KCTD10: variants seen among roughly 807,000 people sequenced by gnomAD.
KCTD10 encodes the protein potassium channel tetramerization domain containing 10, also known as BTB/POZ domain-containing adapter for CUL3-mediated RhoA degradation protein 3.
In KCTD10, 13 loss-of-function variants were observed where a neutral mutation model predicts 34.6. That is an observed-to-expected ratio of 0.38 (90% CI 0.24 to 0.60). The LOEUF (loss-of-function observed/expected upper bound fraction) is 0.60, where lower values mean the gene tolerates loss of function less well. Among genes scored for constraint, KCTD10 ranks in the 20% least tolerant of loss-of-function variants. KCTD10 has a pLI of 0.66. For missense variants in KCTD10, 256 were observed against 420.3 expected, an observed-to-expected ratio of 0.61 and a Z score of 3.42; for synonymous variants, 156 against 168.8, an observed-to-expected ratio of 0.92 and a Z score of 0.59.
chr12:109,460,905 G>C lies in KCTD10; in HGVS notation c.218-100C>G. 8.2e-7 allele frequency: 1 copy of C among 1,222,084 alleles called. No homozygotes were observed. The highest frequency in any genetic ancestry group is 1.2e-6 in the Non-Finnish European group (1 of 867,748). The allele number at this position is 1,222,084 out of a possible 1,614,324, so 75.7% of individuals were successfully genotyped here. A position where few individuals can be genotyped will look rare whatever the true frequency, so the allele number is the denominator to read the frequency against. On this transcript the variant is annotated intron_variant, in intron 2 of 6. Transcript: ENST00000228495. The surrounding 1 kb of genome is among the most constrained non-coding windows in gnomAD (Gnocchi z 4.5). ...CTCTCGGCTCCCTCTACCTCCCAGCGGAGAGCGGGACTGCCTGGAGAATGG... is the reference window on the plus strand; with the variant it reads ...CTCTCGGCTCCCTCTACCTCCCAGCCGAGAGCGGGACTGCCTGGAGAATGG...
In KCTD10 at chr12:109,460,498, G is replaced by A. The variant is rs559731402; in HGVS notation, c.387+138C>T. The A allele has an allele frequency of 2.2e-6, 2 of 914,144 alleles. No homozygotes were observed. Among genetic ancestry groups the A allele is most frequent in the South Asian group, 3.4e-5 (2 of 59,044 alleles). 56.6% of individuals were successfully genotyped at this position (914,144 alleles called of 1,614,324 possible). On this transcript the variant is annotated intron_variant, in intron 3 of 6. Transcript: ENST00000228495. The surrounding 1 kb of genome is among the most constrained non-coding windows in gnomAD (Gnocchi z 4.5). ...GGGGTCACTCCAACCGAAGGAATCG[G>A]GCTCCAGGGCAAACTCATTAACTCT...
In KCTD10 at chr12:109,450,847, TCTG is replaced by T. The variant is rs1872735678; in HGVS notation, c.*745_*747del. 1 of 153,566 alleles carries T rather than the reference TCTG, an allele frequency of 6.5e-6. No individual in the cohort carries two copies. The allele number at this position is 153,566 out of a possible 1,614,324, so 9.5% of individuals were successfully genotyped here. A position where few individuals can be genotyped will look rare whatever the true frequency, so the allele number is the denominator to read the frequency against. ...CTGGACACTTACTGCCATGGAAAGT[TCTG>T]CTCCTACGCAGACATATGGGGTCCC... On this transcript the variant is annotated 3_prime_UTR_variant, in exon 7 of 7. Transcript: ENST00000228495.
intron 6 of KCTD10, 25 bp downstream of exon 6, chr12:109,456,093 C>CA (rs781554154): frequency 6.2e-7 from 1 of 1,612,124 alleles, no homozygotes; most frequent in South Asian, 1.1e-5. Flanking sequence ...ACAGCCACTC[C>CA]AAACTGTCCT....
chr12:109,451,769 A>G lies in KCTD10; in HGVS notation c.768T>C (p.Ile256=). 1 of 1,614,004 alleles carries G rather than the reference A, an allele frequency of 6.2e-7. No individual in the cohort carries two copies. Among genetic ancestry groups the G allele is most frequent in the Non-Finnish European group, 8.5e-7 (1 of 1,179,984 alleles). Residue 256 remains isoleucine (I), a synonymous_variant, in exon 7 of 7, where the codon ATT becomes ATC. Coordinates refer to ENST00000228495, the MANE Select transcript of KCTD10 (RefSeq NM_031954.5). The surrounding 1 kb of genome is among the most constrained non-coding windows in gnomAD (Gnocchi z 5.0). The part of the protein sequence containing the change: ...EARIYEETLN[I]LLYEAQDGRG... ...GGCCATCCTGGGCCTCATACAGCAAAATGTTCAGGGTCTCCTCATAAATCC... is the reference window on the plus strand; with the variant it reads ...GGCCATCCTGGGCCTCATACAGCAAGATGTTCAGGGTCTCCTCATAAATCC...
chr12:109,465,509 A>G (rs1382571150), intron 2 of KCTD10, among the ~76,000 whole-genome samples: 1 of 152,154 alleles, frequency 6.6e-6, no homozygotes, highest in Non-Finnish European at 1.5e-5. Flanking sequence ...GCTGGGACCC[A>G]GGCACCAGTA....
intron 2 of KCTD10, among the ~76,000 whole-genome samples, chr12:109,466,592 T>C (rs1873601021): frequency 1.3e-5 from 2 of 152,194 alleles, no homozygotes; most frequent in African/African-American, 4.8e-5. Context: ...TCCAAGTTCT[T>C]CTTGGTTTAG....
intron 2 of KCTD10, 55 bp downstream of exon 2, chr12:109,469,460 C>T (rs1415477371): frequency 1.5e-5 from 24 of 1,579,770 alleles, no homozygotes; most frequent in Non-Finnish European, 2.1e-5. Flanking sequence ...TCAGGGAAGC[C>T]CTCCTTGACC....
chr12:109,456,544 C>T (rs1873027583), intron 5 of KCTD10: 1 of 546,468 alleles, frequency 1.8e-6, no homozygotes, highest in Non-Finnish European at 3.3e-6. Context: ...GCAGACACGC[C>T]CCCCAAAAGA....
Position 109,458,189 on chromosome 12 carries a change from GAAGA to G in KCTD10, c.388-115_388-112del, listed in dbSNP as rs1873128094. 1.3e-5 allele frequency: 10 copies of G among 754,798 alleles called. No homozygotes were observed. In the South Asian group the frequency reaches 1.4e-4, roughly 11 times the overall value. 46.8% of individuals were successfully genotyped at this position (754,798 alleles called of 1,614,324 possible). On this transcript the variant is annotated intron_variant, in intron 3 of 6. Transcript: ENST00000228495. ...GGGGAGATGGGGCAGTCATGGCTGG[GAAGA>G]GAGAAGGATTCTCACCACCAGTGAA... is the stretch of plus-strand genomic sequence containing the variant.
intron 3 of KCTD10, chr12:109,459,368 A>C (rs1873195949): frequency 6.6e-6 from 1 of 152,278 alleles, no homozygotes. Context: ...CATGTCTCCA[A>C]GACAAAGATG....
At chr12:109,475,379 C>A (rs557834065) in intron 1 of KCTD10, among the ~76,000 whole-genome samples, 2 of 151,986 alleles carry the variant, frequency 1.3e-5, no homozygotes, top group South Asian at 4.2e-4. Flanking sequence ...CGGGAGACTG[C>A]GGTGGGAGGA....
chr12:109,473,025 C>CACG (rs1427675410), intron 1 of KCTD10, among the ~76,000 whole-genome samples: 1 of 152,148 alleles, frequency 6.6e-6, no homozygotes, highest in Non-Finnish European at 1.5e-5. Context: ...GCATTTCTAC[C>CACG]ACATGCCTTT....
At chr12:109,469,204 T>G in intron 2 of KCTD10, 1 of 295,118 alleles carries the variant, frequency 3.4e-6, no homozygotes, top group Non-Finnish European at 6.4e-6. Flanking sequence ...AAACCCAGGT[T>G]GGCAAGTCTT....
At chr12:109,456,555 C>G (rs1873028459) in intron 5 of KCTD10, 2 of 522,816 alleles carry the variant, frequency 3.8e-6, no homozygotes, top group East Asian at 7.0e-5. Context: ...CCCCAAAAGA[C>G]AGCCCTGGCC....
chr12:109,470,084 T>C, intron 1 of KCTD10: 2 of 1,086,688 alleles, frequency 1.8e-6, no homozygotes, highest in Non-Finnish European at 2.2e-6. Flanking sequence ...CTAACTCTTG[T>C]GTTATAAGCA....
intron 6 of KCTD10, among the ~76,000 whole-genome samples, chr12:109,452,612 C>T (rs1464945739): frequency 1.3e-5 from 2 of 152,224 alleles, no homozygotes; most frequent in Non-Finnish European, 2.9e-5. Flanking sequence ...ATGGGATGCA[C>T]ACAGCAGCTA....
intron 3 of KCTD10, chr12:109,458,323 T>A: frequency 2.2e-6 from 1 of 451,448 alleles, no homozygotes. Flanking sequence ...GATGACACAT[T>A]TTCCACAGCC....
rs1051602730 is a variant in KCTD10 at position 109,450,311 on chromosome 12, C to G, written c.*1284G>C. The G allele has an allele frequency of 2.5e-6, 1 of 398,128 alleles. No homozygotes were observed. The highest frequency in any genetic ancestry group is 4.4e-5 in the Admixed American group (1 of 22,652). 24.7% of individuals were successfully genotyped at this position (398,128 alleles called of 1,614,324 possible). On this transcript the variant is annotated 3_prime_UTR_variant, in exon 7 of 7. Coordinates refer to ENST00000228495, the MANE Select transcript of KCTD10 (RefSeq NM_031954.5). ...CCTGGGAGGTAGGTCACTGAGAACA[C>G]CCGTCCTACATAGGCGCTGCGCCCA...
chr12:109,451,837 C>T lies in KCTD10; in HGVS notation c.724-24G>A. 6.3e-7 allele frequency: 1 copy of T among 1,586,630 alleles called. No homozygotes were observed. Among genetic ancestry groups the T allele is most frequent in the Non-Finnish European group, 8.6e-7 (1 of 1,161,324 alleles). On this transcript the variant is annotated intron_variant, in intron 6 of 6. Coordinates refer to ENST00000228495, the MANE Select transcript of KCTD10 (RefSeq NM_031954.5). The surrounding 1 kb of genome is among the most constrained non-coding windows in gnomAD (Gnocchi z 5.0). ...ACCTGTGTTCCCACAGTATACAGGG[C>T]AGGTAAGTTATGGCCCACCCCCTCT...
Sources: gnomAD v4.1 joint callset for allele counts (sites outside exome capture counted in the v4.1 genomes callset) on GRCh38, gnomAD v4.1.1 for gene constraint, Gnocchi (gnomAD v3.1) non-coding constraint, MANE v1.5 for transcripts, NCBI Gene and HGNC (gene_info 2026-07-23, HGNC 2026-07-21) for gene names.